Variants in DYNLT2B observed in about 807,000 individuals in gnomAD.
The protein encoded by DYNLT2B is dynein light chain Tctex-type 2B.
Under a neutral mutation model 19.5 loss-of-function variants are expected in DYNLT2B, and 14 were observed. The ratio of observed to expected loss-of-function variants is 0.72; its 90% CI spans 0.47 to 1.12. The LOEUF is 1.12. DYNLT2B is among the 50% of genes most tolerant of loss of function. The pLI is 0.00. For missense variants in DYNLT2B, 133 were observed against 174.7 expected, an observed-to-expected ratio of 0.76 and a Z score of 1.35; for synonymous variants, 70 against 59.7, an observed-to-expected ratio of 1.17 and a Z score of -0.79.
chr3:196,294,729 T>A (rs1261022155), intron 4 of DYNLT2B, among the ~76,000 whole-genome samples: 2 of 151,878 alleles, frequency 1.3e-5, no homozygotes, highest in Admixed American at 1.3e-4. Context: ...TTTTTACTTT[T>A]TTCTTTTTTC....
chr3:196,296,101 A>T, intron 3 of DYNLT2B, 32 bp from the exon 4 acceptor site: 1 of 1,597,180 alleles, frequency 6.3e-7, no homozygotes, highest in Non-Finnish European at 8.6e-7. Flanking sequence ...AATTATCAAC[A>T]ATCTAACAAG....
In DYNLT2B at chr3:196,316,223, G is replaced by A; in HGVS notation, c.122C>T (p.Pro41Leu). The change falls in exon 2 of 5, where the codon CCC becomes CTC. Residue 41 changes from proline (P) to leucine (L), a missense_variant. Physicochemically the swap from Pro to Leu is moderately conservative, Grantham distance 98 (BLOSUM62 -3). Coordinates refer to ENST00000325318, the MANE Select transcript of DYNLT2B (RefSeq NM_152773.5). ...LRPVFQQRFR[P>L]SVVKDCIHAV... ...ATGGATACAGTCTTTAACCACAGAG[G>A]GCCTGAACCTGAATGGAACAATTTG... 6.2e-7 allele frequency: 1 copy of A among 1,607,682 alleles called. No individual in the cohort carries two copies. Among genetic ancestry groups the A allele is most frequent in the Non-Finnish European group, 8.5e-7 (1 of 1,176,966 alleles).
chr3:196,309,554 C>A (rs1453603390), intron 2 of DYNLT2B, among the ~76,000 whole-genome samples: 2 of 151,936 alleles, frequency 1.3e-5, no homozygotes, highest in African/African-American at 2.4e-5. Context: ...CGTGAGCCAC[C>A]ACACCTGGTC....
rs1196248618 is a variant in DYNLT2B at position 196,317,176 on chromosome 3, TG to T, written c.113+863del. On this transcript the variant is annotated intron_variant, in intron 1 of 4. Coordinates refer to ENST00000325318, the MANE Select transcript of DYNLT2B (RefSeq NM_152773.5). ...TTCAGTGTGTGTGTGTGTGTGTGTG[TG>T]TGTGTTGTGTGTGTGTGTGTAAAGT... is the stretch of plus-strand genomic sequence containing the variant. Among the ~76,000 whole-genome samples, 26 of 110,800 alleles carry T rather than the reference TG, an allele frequency of 2.3e-4. 3 individuals are homozygous for T. Among genetic ancestry groups the T allele is most frequent in the African/African-American group, 8.1e-4 (23 of 28,302 alleles). The allele number at this position is 110,800 out of a possible 152,430, so 72.7% of individuals were successfully genotyped here. A position where few individuals can be genotyped will look rare whatever the true frequency, so the allele number is the denominator to read the frequency against.
chr3:196,310,254 A>G (rs1049394360), intron 2 of DYNLT2B, among the ~76,000 whole-genome samples: 1 of 148,486 alleles, frequency 6.7e-6, no homozygotes, highest in South Asian at 2.2e-4. Flanking sequence ...GGCATGCGCC[A>G]TCACGCTCGG....
At chr3:196,304,125 T>A (rs1273080318) in intron 3 of DYNLT2B, among the ~76,000 whole-genome samples, 1 of 152,162 alleles carries the variant, frequency 6.6e-6, no homozygotes, top group Non-Finnish European at 1.5e-5. Context: ...AAATAAAAAC[T>A]TGGTTTTTTT....
intron 3 of DYNLT2B, among the ~76,000 whole-genome samples, chr3:196,300,703 T>C (rs1451541882): frequency 1.6e-5 from 2 of 123,638 alleles, no homozygotes; most frequent in African/African-American, 6.1e-5. Context: ...CACTCCAGCC[T>C]GGGCAACAAG....
At position 196,306,932 on chromosome 3, in the gene DYNLT2B, C is replaced by T; in HGVS notation, c.317+11G>A. On this transcript the variant is annotated intron_variant, in intron 3 of 4. Coordinates refer to ENST00000325318, the MANE Select transcript of DYNLT2B (RefSeq NM_152773.5). ...GATGACTAAAACAAGAAGGAAAATC[C>T]AGCTACTCACAATACTCCTTCACCT... The T allele has an allele frequency of 6.2e-7, 1 of 1,611,164 alleles. No homozygotes were observed. The highest frequency in any genetic ancestry group is 8.5e-7 in the Non-Finnish European group (1 of 1,177,468).
chr3:196,302,019 A>C (rs962235565), intron 3 of DYNLT2B, among the ~76,000 whole-genome samples: 1 of 152,138 alleles, frequency 6.6e-6, no homozygotes, highest in Non-Finnish European at 1.5e-5. Flanking sequence ...AAGCACGAGA[A>C]TCGCTTAAAC....
intron 2 of DYNLT2B, among the ~76,000 whole-genome samples, chr3:196,314,659 T>TAAAAATTA (rs1726729203): frequency 6.7e-6 from 1 of 149,804 alleles, no homozygotes; most frequent in Admixed American, 6.7e-5. Context: ...CAGAAAAATT[T>TAAAAATTA]AAAAATTAAA....
intron 4 of DYNLT2B, among the ~76,000 whole-genome samples, chr3:196,293,805 T>C (rs1272606786): frequency 6.7e-6 from 1 of 150,004 alleles, no homozygotes. Context: ...ACACCACACC[T>C]GGCTAATTTT....
At chr3:196,295,983 A>G in intron 4 of DYNLT2B, 23 bp downstream of exon 4, 5 of 1,606,612 alleles carry the variant, frequency 3.1e-6, no homozygotes, top group Non-Finnish European at 4.3e-6. Flanking sequence ...AGAAAGGGAA[A>G]AGAGGTTTCC....
At position 196,318,199 on chromosome 3, in the gene DYNLT2B, G is replaced by T. The variant is rs764201336; in HGVS notation, c.-47C>A. ...CGTAGCTCGCGATGAAGGCCTAGCG[G>T]GTTGCGGTCGCGGCCGGCAGCAGGG... is the stretch of plus-strand genomic sequence containing the variant. On this transcript the variant is annotated 5_prime_UTR_variant, in exon 1 of 5. Coordinates refer to ENST00000325318, the MANE Select transcript of DYNLT2B (RefSeq NM_152773.5). 1 of 1,198,734 alleles carries T rather than the reference G, an allele frequency of 8.3e-7. No homozygotes were observed. The highest frequency in any genetic ancestry group is 1.6e-5 in the African/African-American group (1 of 62,814). The allele number at this position is 1,198,734 out of a possible 1,614,324, so 74.3% of individuals were successfully genotyped here.
intron 2 of DYNLT2B, chr3:196,315,173 C>A: frequency 4.8e-6 from 2 of 418,998 alleles, no homozygotes; most frequent in South Asian, 1.7e-5. Flanking sequence ...TTAGAGAAGA[C>A]AAGACACTGA....
chr3:196,318,159 G>A lies in DYNLT2B; in HGVS notation c.-7C>T, dbSNP rs1467240143. ...CTCCGATGGACGTGGCCATGCCGGG[G>A]CTTCTCGGTCCGGGCGTAGCTCGCG... On this transcript the variant is annotated 5_prime_UTR_variant, in exon 1 of 5. Transcript: ENST00000325318. 2.7e-6 allele frequency: 4 copies of A among 1,497,418 alleles called. No individual in the cohort carries two copies. The highest frequency in any genetic ancestry group is 1.2e-5 in the South Asian group (1 of 80,560). 92.8% of individuals were successfully genotyped at this position (1,497,418 alleles called of 1,614,324 possible).
rs957840025 is a variant in DYNLT2B, at chr3:196,296,200, A to G, written c.318-131T>C. The G allele has an allele frequency of 4.0e-6, 3 of 752,254 alleles. No individual in the cohort carries two copies. The African/African-American group carries it at 5.2e-5, about 13-fold the overall frequency. 46.6% of individuals were successfully genotyped at this position (752,254 alleles called of 1,614,324 possible). On this transcript the variant is annotated intron_variant, in intron 3 of 4. Coordinates refer to ENST00000325318, the MANE Select transcript of DYNLT2B (RefSeq NM_152773.5). The stretch of plus-strand genomic sequence containing the variant: ...ACTTCCAAACCTTTCACAGGTAGGT[A>G]CCCACAGAGTATTGTATTTGTACCA...
At chr3:196,311,493 C>G (rs1320491819) in intron 2 of DYNLT2B, among the ~76,000 whole-genome samples, 1 of 151,272 alleles carries the variant, frequency 6.6e-6, no homozygotes, top group Non-Finnish European at 1.5e-5. Context: ...TATTTGGTGT[C>G]CTGAAGAAAA....
intron 3 of DYNLT2B, among the ~76,000 whole-genome samples, chr3:196,296,750 A>C (rs893730091): frequency 5.3e-5 from 8 of 152,308 alleles, no homozygotes; most frequent in South Asian, 4.1e-4. Context: ...TTCTATGTAG[A>C]CCTTAAAGAA....
chr3:196,299,345 A>G (rs1406429504), intron 3 of DYNLT2B, among the ~76,000 whole-genome samples: 1 of 151,856 alleles, frequency 6.6e-6, no homozygotes, highest in East Asian at 1.9e-4. Flanking sequence ...TCGGCCTCCC[A>G]AAGTGCTGGG....
Sources: gnomAD v4.1 joint callset for allele counts (sites outside exome capture counted in the v4.1 genomes callset) on GRCh38, gnomAD v4.1.1 for gene constraint, MANE v1.5 for transcripts, NCBI Gene and HGNC (gene_info 2026-07-23, HGNC 2026-07-21) for gene names.